C1QL3: variants seen among roughly 807,000 people sequenced by gnomAD.
C1QL3 encodes complement C1q like 3.
C1QL3 carries 4 observed loss-of-function variants against 16.6 expected under a neutral mutation model. That is an observed-to-expected ratio of 0.24 (90% confidence interval 0.12 to 0.55). The LOEUF is 0.55. C1QL3 is among the 20% of genes least tolerant of loss of function. The probability of loss-of-function intolerance (pLI) is 0.94; values close to 1 mark genes in which losing one functional copy is unlikely to be tolerated. For synonymous variants in C1QL3, 189 were observed against 160.2 expected, an observed-to-expected ratio of 1.18 and a Z score of -1.36; for missense variants, 269 against 365.6, an observed-to-expected ratio of 0.74 and a Z score of 2.16.
In C1QL3 at chr10:16,520,029, C is replaced by CTA. The variant is rs906068998; in HGVS notation, c.588+447_588+448dup. Among the ~76,000 whole-genome samples, 8 of 152,088 alleles carry CTA rather than the reference C, an allele frequency of 5.3e-5. No homozygotes were observed. Among genetic ancestry groups the CTA allele is most frequent in the African/African-American group, 1.7e-4 (7 of 41,416 alleles). On this transcript the variant is annotated intron_variant, in intron 1 of 1. Transcript: ENST00000298943. The surrounding 1 kb of genome is among the most constrained non-coding windows in gnomAD (Gnocchi z 8.3). ...CCTTGTTTCTCCCTCCGGCCTTTGT[C>CTA]TACCACCCCCGAGTCGGTCACCCTG...
chr10:16,519,160 G>C (rs1195257056), intron 1 of C1QL3, among the ~76,000 whole-genome samples: 2 of 30,294 alleles, frequency 6.6e-5, no homozygotes, highest in African/African-American at 1.9e-4. Context: ...TTTTTTTTTG[G>C]TCTTTCACTT....
chr10:16,516,090 T>A (rs1048190237), intron 1 of C1QL3, among the ~76,000 whole-genome samples: 8 of 152,202 alleles, frequency 5.3e-5, no homozygotes, highest in Non-Finnish European at 8.8e-5. Flanking sequence ...TAAAGTCATT[T>A]GAGTAGTATC....
intron 1 of C1QL3, among the ~76,000 whole-genome samples, 172 bp from the exon 2 acceptor site, chr10:16,514,879 A>G (rs913207813): frequency 6.6e-6 from 1 of 152,172 alleles, no homozygotes; most frequent in Non-Finnish European, 1.5e-5. Context: ...AGTTTCCGCT[A>G]CGTTAGTGAG....
chr10:16,514,918 C>T (rs904606582), intron 1 of C1QL3, among the ~76,000 whole-genome samples: 1 of 152,122 alleles, frequency 6.6e-6, no homozygotes, highest in African/African-American at 2.4e-5. Flanking sequence ...CAAAATAGTG[C>T]TTCAGTGGGG....
intron 1 of C1QL3, among the ~76,000 whole-genome samples, chr10:16,519,261 T>C (rs1355016495): frequency 6.6e-6 from 1 of 150,586 alleles, no homozygotes; most frequent in Non-Finnish European, 1.5e-5. Flanking sequence ...AATCTCTGAA[T>C]GTCCAGGGGT....
At chr10:16,514,804 A>G in intron 1 of C1QL3, 97 bp from the exon 2 acceptor site, 1 of 879,622 alleles carries the variant, frequency 1.1e-6, no homozygotes, top group Non-Finnish European at 1.7e-6. Flanking sequence ...TTGCTGCCAT[A>G]GTACAGAATT....
intron 1 of C1QL3, 144 bp from the exon 2 acceptor site, chr10:16,514,851 T>G: frequency 3.1e-6 from 2 of 636,994 alleles, no homozygotes; most frequent in Non-Finnish European, 5.4e-6. Flanking sequence ...CAGAGCTTTA[T>G]GAGGATAGTG....
chr10:16,521,386 C>T lies in C1QL3; in HGVS notation c.-321G>A, dbSNP rs934863014. The T allele has an allele frequency of 8.9e-5, 20 of 223,736 alleles. No homozygotes were observed. Among genetic ancestry groups the T allele is most frequent in the Non-Finnish European group, 2.6e-5 (3 of 115,400 alleles). 13.9% of individuals were successfully genotyped at this position (223,736 alleles called of 1,614,324 possible). A position where few individuals can be genotyped will look rare whatever the true frequency, so the allele number is the denominator to read the frequency against. On this transcript the variant is annotated 5_prime_UTR_variant, in exon 1 of 2. Coordinates refer to ENST00000298943, the MANE Select transcript of C1QL3 (RefSeq NM_001010908.2). Reference sequence around the variant, plus strand: ...GGGCGCCCTCGCCCCCCGCGAGCTCCTTCGCACCTGTGGCTGCAGCCGGCG... The same window carrying T: ...GGGCGCCCTCGCCCCCCGCGAGCTCTTTCGCACCTGTGGCTGCAGCCGGCG...
Position 16,514,710 on chromosome 10 carries a change from A to G in C1QL3, c.589-3T>C. 2 of 1,604,536 alleles carry G rather than the reference A, an allele frequency of 1.2e-6. No individual in the cohort carries two copies. The highest frequency in any genetic ancestry group is 1.7e-6 in the Non-Finnish European group (2 of 1,176,124). On this transcript the variant is annotated splice_region_variant and splice_polypyrimidine_tract_variant and intron_variant, in intron 1 of 1. Coordinates refer to ENST00000298943, the MANE Select transcript of C1QL3 (RefSeq NM_001010908.2). The stretch of plus-strand genomic sequence containing the variant: ...TGGGCAATTGCACTAGCACGCACCT[A>G]TGTGAAACAGACAAGAATTAGGATG...
chr10:16,515,733 A>G (rs2133537250), intron 1 of C1QL3, among the ~76,000 whole-genome samples: 1 of 152,330 alleles, frequency 6.6e-6, no homozygotes, highest in African/African-American at 2.4e-5. Flanking sequence ...TCTGCCTTGG[A>G]AAATCTTTCA....
rs907019830 is a variant in C1QL3 at position 16,514,274 on chromosome 10, C to T, written c.*254G>A. On this transcript the variant is annotated 3_prime_UTR_variant, in exon 2 of 2. Coordinates refer to ENST00000298943, the MANE Select transcript of C1QL3 (RefSeq NM_001010908.2). ...AAAATTTGTGATCTATATAGGACTT[C>T]ATTCACATGGACACTAACGATAAGG... 1.8e-6 allele frequency: 1 copy of T among 545,784 alleles called. No individual in the cohort carries two copies. Among genetic ancestry groups the T allele is most frequent in the Non-Finnish European group, 3.2e-6 (1 of 310,898 alleles). The allele number at this position is 545,784 out of a possible 1,614,324, so 33.8% of individuals were successfully genotyped here. A position where few individuals can be genotyped will look rare whatever the true frequency, so the allele number is the denominator to read the frequency against.
rs567187339 is a variant in C1QL3 at position 16,519,140 on chromosome 10, C to CTTTTTTTTTTTTTTTT, written c.588+1322_588+1337dup. On this transcript the variant is annotated intron_variant, in intron 1 of 1. Coordinates refer to ENST00000298943, the MANE Select transcript of C1QL3 (RefSeq NM_001010908.2). Reference sequence around the variant, plus strand: ...TTTTTTCTCTCTTACGCATTTAGGACTTTTTTTTTTTTTTTTTTGGTCTTT... The same window carrying CTTTTTTTTTTTTTTTT: ...TTTTTTCTCTCTTACGCATTTAGGACTTTTTTTTTTTTTTTTTTTTTTTTTTTTTTTTTTGGTCTTT... 1.7e-3 allele frequency among the ~76,000 whole-genome samples: 67 copies of CTTTTTTTTTTTTTTTT among 39,444 alleles called. 6 individuals carry two copies. The highest frequency in any genetic ancestry group is 2.8e-3 in the African/African-American group (18 of 6,458). 25.9% of individuals were successfully genotyped at this position (39,444 alleles called of 152,430 possible).
rs760549017 is a variant in C1QL3 at position 16,520,755 on chromosome 10, G to T, written c.311C>A (p.Pro104Gln). 1 of 1,378,716 alleles carries T rather than the reference G, an allele frequency of 7.3e-7. No individual in the cohort carries two copies. Among genetic ancestry groups the T allele is most frequent in the South Asian group, 1.9e-5 (1 of 52,400 alleles). 85.4% of individuals were successfully genotyped at this position (1,378,716 alleles called of 1,614,324 possible). Residue 104 changes from proline (P) to glutamine (Q), a missense_variant, in exon 1 of 2, where the codon CCG (proline) becomes CAG (glutamine). Around this residue, in one of 2 missense-constraint regions of C1QL3, gnomAD observed 246 missense variants for 297.2 expected, o/e 0.83. Coordinates refer to ENST00000298943, the MANE Select transcript of C1QL3 (RefSeq NM_001010908.2). The surrounding 1 kb of genome is among the most constrained non-coding windows in gnomAD (Gnocchi z 8.3). ...CGCGTTCAGGCCGGGCGCCCCGGGC[G>T]GGCCCGGCAGGCCTTGGCGGCCCGG... ...GEPGRQGLPG[P>Q]PGAPGLNAAG...
At chr10:16,515,098 A>T (rs980368464) in intron 1 of C1QL3, among the ~76,000 whole-genome samples, 4 of 152,116 alleles carry the variant, frequency 2.6e-5, no homozygotes, top group Admixed American at 1.3e-4. Context: ...GCAATATTCT[A>T]ATCAGCTGTT....
chr10:16,517,992 A>T (rs1836980340), intron 1 of C1QL3, among the ~76,000 whole-genome samples: 1 of 152,092 alleles, frequency 6.6e-6, no homozygotes, highest in Non-Finnish European at 1.5e-5. Context: ...TCTTAGAGGG[A>T]ACTGCATTTT....
chr10:16,515,611 A>C (rs879577835), intron 1 of C1QL3, among the ~76,000 whole-genome samples: 1 of 152,156 alleles, frequency 6.6e-6, no homozygotes, highest in Non-Finnish European at 1.5e-5. Flanking sequence ...CTCATTAGTG[A>C]GTTGATAGAC....
At position 16,521,331 on chromosome 10, in the gene C1QL3, C is replaced by A. The variant is rs1837040048; in HGVS notation, c.-266G>T. On this transcript the variant is annotated 5_prime_UTR_variant, in exon 1 of 2. Coordinates refer to ENST00000298943, the MANE Select transcript of C1QL3 (RefSeq NM_001010908.2). ...AGTGACTTGAGCCGAAGTCCCGAGC[C>A]CGGGGTGGGGGCCGGGGGAGGGGTG... 5.4e-6 allele frequency: 2 copies of A among 372,180 alleles called. No individual in the cohort carries two copies. The highest frequency in any genetic ancestry group is 9.6e-6 in the Non-Finnish European group (2 of 209,066). 23.1% of individuals were successfully genotyped at this position (372,180 alleles called of 1,614,324 possible).
Position 16,514,352 on chromosome 10 carries a change from T to G in C1QL3, c.*176A>C, listed in dbSNP as rs1272663718. 3.3e-6 allele frequency: 2 copies of G among 598,414 alleles called. No individual in the cohort carries two copies. The highest frequency in any genetic ancestry group is 5.9e-6 in the Non-Finnish European group (2 of 339,858). The allele number at this position is 598,414 out of a possible 1,614,324, so 37.1% of individuals were successfully genotyped here. A position where few individuals can be genotyped will look rare whatever the true frequency, so the allele number is the denominator to read the frequency against. On this transcript the variant is annotated 3_prime_UTR_variant, in exon 2 of 2. Coordinates refer to ENST00000298943, the MANE Select transcript of C1QL3 (RefSeq NM_001010908.2). ...CACATCTGCTTATCTTGCTTTGATATTTTTTACATAATGTTTCTGAGTGAT... is the reference window on the plus strand; with the variant it reads ...CACATCTGCTTATCTTGCTTTGATAGTTTTTACATAATGTTTCTGAGTGAT...
chr10:16,516,896 A>C (rs750263664), intron 1 of C1QL3, among the ~76,000 whole-genome samples: 1 of 152,160 alleles, frequency 6.6e-6, no homozygotes, highest in Non-Finnish European at 1.5e-5. Context: ...TAAGATTTTA[A>C]CCTATACTGT....
Sources: allele counts gnomAD v4.1 joint callset (sites outside exome capture counted in the v4.1 genomes callset), GRCh38; gene constraint gnomAD v4.1.1; regional missense constraint gnomAD v4.1.1; non-coding constraint Gnocchi (gnomAD v3.1); transcripts MANE v1.5; gene names NCBI Gene and HGNC (gene_info 2026-07-23, HGNC 2026-07-21).